The following SLC9A7 variants were observed in gnomAD, a reference collection of about 807,000 sequenced individuals.
SLC9A7 encodes the protein sodium/hydrogen exchanger 7.
SLC9A7 carries 19 observed loss-of-function variants against 52.6 expected under a neutral mutation model. The ratio of observed to expected loss-of-function variants is 0.36; its 90% confidence interval spans 0.25 to 0.53. The LOEUF is 0.53. Among genes scored for constraint, SLC9A7 ranks in the 20% least tolerant of loss-of-function variants. The probability of loss-of-function intolerance (pLI) is 0.91; values close to 1 mark genes in which losing one functional copy is unlikely to be tolerated. For synonymous variants in SLC9A7, 226 were observed against 252.1 expected, an observed-to-expected ratio of 0.90 and a Z score of 0.98; for missense variants, 455 against 597.9, an observed-to-expected ratio of 0.76 and a Z score of 2.49.
At chrX:46,652,095 T>C (rs1943592412) in intron 8 of SLC9A7, among the ~76,000 whole-genome samples, 1 of 111,298 alleles carries the variant, frequency 9.0e-6, no homozygotes, top group South Asian at 3.7e-4. Context: ...TTTTGCCATA[T>C]TCCTCACTGT....
intron 1 of SLC9A7, among the ~76,000 whole-genome samples, chrX:46,696,735 T>C (rs1416735336): frequency 9.0e-6 from 1 of 111,401 alleles, no homozygotes; most frequent in Non-Finnish European, 1.9e-5. Flanking sequence ...ACAAAAACAA[T>C]AGTGACTGCT....
At chrX:46,683,743 T>C (rs772928657) in intron 1 of SLC9A7, among the ~76,000 whole-genome samples, 116 of 112,309 alleles carry the variant, frequency 1.0e-3, no homozygotes, top group Non-Finnish European at 8.4e-4. Context: ...TCAGACACTT[T>C]CTATAATTCT....
intron 1 of SLC9A7, among the ~76,000 whole-genome samples, chrX:46,747,292 C>T (rs1323518588): frequency 9.0e-6 from 1 of 111,643 alleles, no homozygotes; most frequent in Non-Finnish European, 1.9e-5. Context: ...GGGAATAATG[C>T]AAATGTTTCT....
At chrX:46,709,201 C>T (rs1944650982) in intron 1 of SLC9A7, among the ~76,000 whole-genome samples, 1 of 110,346 alleles carries the variant, frequency 9.1e-6, no homozygotes, top group Admixed American at 9.6e-5. Flanking sequence ...CCCAGGAGTT[C>T]GAGACCGGCG....
At chrX:46,681,466 C>A (rs921047612) in intron 2 of SLC9A7, among the ~76,000 whole-genome samples, 1 of 112,049 alleles carries the variant, frequency 8.9e-6, no homozygotes, top group African/African-American at 3.2e-5. Flanking sequence ...TTTAATGCTC[C>A]AGGTAGAGAA....
At chrX:46,707,530 A>G (rs2146929364) in intron 1 of SLC9A7, among the ~76,000 whole-genome samples, 1 of 112,068 alleles carries the variant, frequency 8.9e-6, no homozygotes, top group East Asian at 2.8e-4. Flanking sequence ...TCACATATTC[A>G]TGGCAGCTGC....
At chrX:46,752,186 G>C (rs1922281651) in intron 1 of SLC9A7, among the ~76,000 whole-genome samples, 1 of 111,496 alleles carries the variant, frequency 9.0e-6, no homozygotes, top group Non-Finnish European at 1.9e-5. Context: ...TTTGAAAGTT[G>C]CATATGTTAG....
At chrX:46,705,582 T>C (rs1433046274) in intron 1 of SLC9A7, among the ~76,000 whole-genome samples, 1 of 111,536 alleles carries the variant, frequency 9.0e-6, no homozygotes, top group Non-Finnish European at 1.9e-5. Flanking sequence ...CCTACATCTA[T>C]ACAAAAAATT....
At chrX:46,643,147 A>G in intron 12 of SLC9A7, 89 bp downstream of exon 12, 1 of 881,946 alleles carries the variant, frequency 1.1e-6, no homozygotes, top group Non-Finnish European at 1.6e-6. Flanking sequence ...GTTTCCATGA[A>G]CTAAAGTAGC....
rs141780146 is a variant in SLC9A7 at position 46,651,394 on chromosome X, A to G, written c.1158T>C (p.Ala386=). 144 of 1,198,244 alleles carry G rather than the reference A, an allele frequency of 1.2e-4. No homozygotes were observed. The African/African-American group carries it at 2.2e-3, about 18-fold the overall frequency. Residue 386 remains alanine, a synonymous_variant, in exon 9 of 17, where the codon GCT becomes GCC. Coordinates refer to ENST00000616978, the MANE Select transcript of SLC9A7 (RefSeq NM_001257291.2). The part of the protein sequence containing the change: ...AEACGFTGVV[A]VLFCGITQAH... ...CTTGTGTGATTCCACAGAAAAGGACAGCTACAACACCTGTTAAAACATCCC... is the reference window on the plus strand; with the variant it reads ...CTTGTGTGATTCCACAGAAAAGGACGGCTACAACACCTGTTAAAACATCCC...
chrX:46,672,668 G>A, intron 3 of SLC9A7, 41 bp from the exon 4 acceptor site: 1 of 983,813 alleles, frequency 1.0e-6, no homozygotes, highest in Non-Finnish European at 1.4e-6. Flanking sequence ...ATCACATTGT[G>A]ATTTTCAACA....
chrX:46,648,944 C>T, intron 10 of SLC9A7, 147 bp from the exon 11 acceptor site: 1 of 422,245 alleles, frequency 2.4e-6, no homozygotes, highest in Non-Finnish European at 4.0e-6. Flanking sequence ...GTCTAGTTCC[C>T]CCCTAGACAA....
At chrX:46,643,192 C>T (rs1275942591) in intron 12 of SLC9A7, 44 bp downstream of exon 12, 8 of 1,146,645 alleles carry the variant, frequency 7.0e-6, no homozygotes, top group Admixed American at 6.7e-5. Context: ...TTCTCAGGAA[C>T]GGTGACAACT....
chrX:46,681,387 C>A (rs776154442), intron 2 of SLC9A7, among the ~76,000 whole-genome samples: 5 of 112,069 alleles, frequency 4.5e-5, no homozygotes, highest in Non-Finnish European at 9.4e-5. Context: ...TTATGAAAAC[C>A]CCATGCTTTC....
intron 5 of SLC9A7, among the ~76,000 whole-genome samples, chrX:46,666,486 T>A (rs929261488): frequency 4.8e-4 from 54 of 112,485 alleles, no homozygotes; most frequent in African/African-American, 1.6e-3. Flanking sequence ...AAAAACATTC[T>A]ACATTTCAGG....
chrX:46,695,197 TTA>T (rs1944432353), intron 1 of SLC9A7, among the ~76,000 whole-genome samples: 1 of 112,535 alleles, frequency 8.9e-6, no homozygotes, highest in South Asian at 3.6e-4. Flanking sequence ...GATATGTAAA[TTA>T]TATGTCAATA....
chrX:46,725,768 C>T, intron 1 of SLC9A7: 4 of 943,283 alleles, frequency 4.2e-6, no homozygotes, highest in Non-Finnish European at 6.1e-6. Context: ...TGCAGTCAGT[C>T]AGGCTGGGCA....
In SLC9A7 at chrX:46,740,334, C is replaced by T. The variant is rs901955417; in HGVS notation, c.325+18371G>A. The stretch of plus-strand genomic sequence containing the variant: ...AACAAGACAAGGATGCCCACTTTCG[C>T]CATTCCTATTCAACATTGTACTGAA... On this transcript the variant is annotated intron_variant, in intron 1 of 16. Coordinates refer to ENST00000616978, the MANE Select transcript of SLC9A7 (RefSeq NM_001257291.2). Among the ~76,000 whole-genome samples, 4 of 111,557 alleles carry T rather than the reference C, an allele frequency of 3.6e-5. No individual in the cohort carries two copies. The Admixed American group carries it at 3.8e-4, about 11-fold the overall frequency.
chrX:46,623,487 C>G (rs1943077265), intron 14 of SLC9A7, among the ~76,000 whole-genome samples: 1 of 111,068 alleles, frequency 9.0e-6, no homozygotes, highest in African/African-American at 3.3e-5. Flanking sequence ...ACCTTTCAAG[C>G]CTGTGCAGAA....
Sources: gnomAD v4.1 joint callset for allele counts (sites outside exome capture counted in the v4.1 genomes callset) on GRCh38, gnomAD v4.1.1 for gene constraint, MANE v1.5 for transcripts, NCBI Gene and HGNC (gene_info 2026-07-23, HGNC 2026-07-21) for gene names.